Variants in ARHGEF38 observed in about 807,000 individuals in gnomAD.
The protein encoded by ARHGEF38 is Rho guanine nucleotide exchange factor (GEF) 38.
ARHGEF38 carries 79 observed loss-of-function variants against 79.9 expected under a neutral mutation model. That is an observed-to-expected ratio of 0.99 (90% CI 0.82 to 1.19). The LOEUF (loss-of-function observed/expected upper bound fraction) is 1.19, where lower values mean the gene tolerates loss of function less well. ARHGEF38 is among the 50% of genes most tolerant of loss of function. The probability of loss-of-function intolerance (pLI) is 0.00; values close to 1 mark genes in which losing one functional copy is unlikely to be tolerated. For synonymous variants in ARHGEF38, 366 were observed against 328.3 expected (o/e 1.11, Z -1.24); for missense variants, 962 against 907.2 (o/e 1.06, Z -0.78).
chr4:105,659,454 G>T, intron 10 of ARHGEF38, 89 bp downstream of exon 10: 2 of 1,234,610 alleles, frequency 1.6e-6, no homozygotes, highest in Non-Finnish European at 2.2e-6. Flanking sequence ...TTCAGAGTGT[G>T]CACATGTATG....
At chr4:105,576,671 T>G (rs1270097728) in intron 1 of ARHGEF38, among the ~76,000 whole-genome samples, 1 of 152,284 alleles carries the variant, frequency 6.6e-6, no homozygotes, top group Middle Eastern at 3.4e-3. Flanking sequence ...TTTTCTTCTC[T>G]TACCTGTTTG....
intron 2 of ARHGEF38, among the ~76,000 whole-genome samples, chr4:105,589,882 A>G (rs1186170091): frequency 6.6e-6 from 1 of 151,896 alleles, no homozygotes; most frequent in African/African-American, 2.4e-5. Context: ...ATTACAAAAT[A>G]CAAAAAATTA....
intron 13 of ARHGEF38, among the ~76,000 whole-genome samples, chr4:105,668,169 T>C (rs1016011568): frequency 6.6e-6 from 1 of 151,892 alleles, no homozygotes; most frequent in Admixed American, 6.6e-5. Flanking sequence ...ACACTATATA[T>C]GGAAACTTTT....
At chr4:105,649,770 C>T (rs1489478307) in intron 7 of ARHGEF38, among the ~76,000 whole-genome samples, 3 of 152,120 alleles carry the variant, frequency 2.0e-5, no homozygotes, top group Admixed American at 1.3e-4. Flanking sequence ...AAAGCAGCCC[C>T]TTCTTCCTCT....
intron 11 of ARHGEF38, 62 bp from the exon 12 acceptor site, chr4:105,667,067 C>T (rs2110576991): frequency 7.5e-7 from 1 of 1,329,768 alleles, no homozygotes; most frequent in Non-Finnish European, 1.0e-6. Context: ...AAATATTTAC[C>T]AACTCCATGA....
In ARHGEF38 at chr4:105,612,610, A is replaced by T. The variant is rs1395241782; in HGVS notation, c.385-774A>T. 2.6e-5 allele frequency among the ~76,000 whole-genome samples: 4 copies of T among 152,238 alleles called. No individual in the cohort carries two copies. The East Asian group carries it at 7.7e-4, about 29-fold the overall frequency. On this transcript the variant is annotated intron_variant, in intron 2 of 13. Coordinates refer to ENST00000420470, the MANE Select transcript of ARHGEF38 (RefSeq NM_001242729.2). Reference sequence around the variant, plus strand: ...ACTAAAGGGAATTATTTTGAACAAGATTCATCAAAATCAGAGCACATATCT... The same window carrying T: ...ACTAAAGGGAATTATTTTGAACAAGTTTCATCAAAATCAGAGCACATATCT...
At chr4:105,563,051 A>G (rs532502072) in intron 1 of ARHGEF38, among the ~76,000 whole-genome samples, 12 of 152,090 alleles carry the variant, frequency 7.9e-5, no homozygotes, top group Non-Finnish European at 1.5e-4. Flanking sequence ...ATGGCCTGAG[A>G]GGTGCTTTCA....
intron 1 of ARHGEF38, among the ~76,000 whole-genome samples, chr4:105,568,269 G>T (rs1408344319): frequency 6.6e-6 from 1 of 151,792 alleles, no homozygotes; most frequent in Non-Finnish European, 1.5e-5. Flanking sequence ...TCAGAGAAAT[G>T]CAAATCAAAA....
At chr4:105,571,652 T>C (rs982724218) in intron 1 of ARHGEF38, among the ~76,000 whole-genome samples, 1 of 152,158 alleles carries the variant, frequency 6.6e-6, no homozygotes, top group African/African-American at 2.4e-5. Flanking sequence ...AGATTTTTGA[T>C]ATTTTGCGTT....
At position 105,631,141 on chromosome 4, in the gene ARHGEF38, A is replaced by G. The variant is rs965498760; in HGVS notation, c.656+96A>G. 1.8e-5 allele frequency: 26 copies of G among 1,410,234 alleles called. No homozygotes were observed. In the African/African-American group the frequency reaches 3.5e-4, roughly 19 times the overall value. 87.4% of individuals were successfully genotyped at this position (1,410,234 alleles called of 1,614,324 possible). ...AGATGAAAGGTCTCACATAAATCCT[A>G]TGTTTTATGAGACTTGCTGGGAGCT... On this transcript the variant is annotated intron_variant, in intron 4 of 13. Transcript: ENST00000420470.
At chr4:105,646,546 A>G (rs952390453) in intron 6 of ARHGEF38, among the ~76,000 whole-genome samples, 1 of 152,210 alleles carries the variant, frequency 6.6e-6, no homozygotes, top group African/African-American at 2.4e-5. Flanking sequence ...TGGAATCACT[A>G]GTTTAGAGAA....
chr4:105,560,076 C>A (rs1475842248), intron 1 of ARHGEF38, among the ~76,000 whole-genome samples: 1 of 152,130 alleles, frequency 6.6e-6, no homozygotes, highest in African/African-American at 2.4e-5. Context: ...GAAGTCAAAG[C>A]CATTTGATGG....
In ARHGEF38 at chr4:105,679,283, C is replaced by A; in HGVS notation, c.*1346C>A. On this transcript the variant is annotated 3_prime_UTR_variant, in exon 14 of 14. Coordinates refer to ENST00000420470, the MANE Select transcript of ARHGEF38 (RefSeq NM_001242729.2). ...TAATTTAGCTGGCACTGAGAGTATC[C>A]AGCCGGAATCATGCCACTTTGCCTG... 1.4e-6 allele frequency: 1 copy of A among 710,640 alleles called. No homozygotes were observed. Among genetic ancestry groups the A allele is most frequent in the South Asian group, 1.7e-5 (1 of 58,182 alleles). The allele number at this position is 710,640 out of a possible 1,614,324, so 44.0% of individuals were successfully genotyped here. A position where few individuals can be genotyped will look rare whatever the true frequency, so the allele number is the denominator to read the frequency against.
At chr4:105,578,287 T>C (rs1197039736) in intron 1 of ARHGEF38, among the ~76,000 whole-genome samples, 1 of 152,192 alleles carries the variant, frequency 6.6e-6, no homozygotes, top group Non-Finnish European at 1.5e-5. Context: ...GTCTGAAAGA[T>C]AGTTGATATT....
At chr4:105,654,943 G>A (rs1730261968) in intron 8 of ARHGEF38, among the ~76,000 whole-genome samples, 1 of 152,086 alleles carries the variant, frequency 6.6e-6, no homozygotes, top group Non-Finnish European at 1.5e-5. Flanking sequence ...GCAGATGTTT[G>A]CACTCTTAGA....
At chr4:105,567,639 C>T (rs943534476) in intron 1 of ARHGEF38, among the ~76,000 whole-genome samples, 3 of 152,136 alleles carry the variant, frequency 2.0e-5, no homozygotes, top group African/African-American at 7.2e-5. Context: ...CTTCAATACC[C>T]TGTCTTTACT....
chr4:105,562,829 C>T (rs1333975452), intron 1 of ARHGEF38, among the ~76,000 whole-genome samples: 1 of 152,038 alleles, frequency 6.6e-6, no homozygotes, highest in African/African-American at 2.4e-5. Flanking sequence ...AGGCAACATT[C>T]TGTGACCACC....
chr4:105,554,709 T>C (rs1725172233), intron 1 of ARHGEF38, among the ~76,000 whole-genome samples: 1 of 151,788 alleles, frequency 6.6e-6, no homozygotes, highest in Non-Finnish European at 1.5e-5. Context: ...GTGGGACTAA[T>C]GATACTTGCC....
intron 7 of ARHGEF38, 22 bp downstream of exon 7, chr4:105,648,704 C>T (rs1729959421): frequency 1.3e-6 from 2 of 1,491,828 alleles, no homozygotes; most frequent in Non-Finnish European, 1.8e-6. Context: ...TCTTGGACCA[C>T]CCACCTTTTC....
Sources: gnomAD v4.1 joint callset for allele counts (sites outside exome capture counted in the v4.1 genomes callset) on GRCh38, gnomAD v4.1.1 for gene constraint, MANE v1.5 for transcripts, NCBI Gene and HGNC (gene_info 2026-07-23, HGNC 2026-07-21) for gene names.